CMSS1: variants seen among roughly 807,000 people sequenced by gnomAD.
CMSS1 encodes the protein cms1 ribosomal small subunit homolog.
In CMSS1, 33 loss-of-function variants were observed where a neutral mutation model predicts 43.5. That is an observed-to-expected ratio of 0.76 (90% CI 0.57 to 1.01). The LOEUF is 1.01. Ranked by LOEUF, CMSS1 falls within the 50% of genes least tolerant of loss-of-function variation. The pLI is 0.00. For missense variants in CMSS1, 313 were observed against 326.4 expected, an observed-to-expected ratio of 0.96 and a Z score of 0.32; for synonymous variants, 115 against 117.2, an observed-to-expected ratio of 0.98 and a Z score of 0.12.
At chr3:100,117,854 C>T (rs9884101) in intron 1 of CMSS1, among the ~76,000 whole-genome samples, 12,996 of 88,448 alleles carry the variant, frequency 0.15, 947 homozygotes, top group African/African-American at 0.18. Context: ...TATATATATA[C>T]ATATATATAT....
chr3:99,832,660 C>T (rs1422546125), intron 1 of CMSS1, among the ~76,000 whole-genome samples: 1 of 147,106 alleles, frequency 6.8e-6, no homozygotes, highest in Non-Finnish European at 1.5e-5. Context: ...CTGGCCAACA[C>T]GGTGAAACCC....
At chr3:100,036,861 C>T (rs574258120) in intron 1 of CMSS1, among the ~76,000 whole-genome samples, 4 of 152,230 alleles carry the variant, frequency 2.6e-5, no homozygotes, top group East Asian at 3.9e-4. Context: ...CTTGATATTA[C>T]GCAGTGAGAA....
intron 1 of CMSS1, among the ~76,000 whole-genome samples, chr3:100,046,985 T>G (rs990660354): frequency 1.4e-4 from 22 of 152,190 alleles, no homozygotes; most frequent in African/African-American, 5.3e-4. Flanking sequence ...GTTATTTAAG[T>G]AAATATAATA....
chr3:100,082,481 A>G (rs952643892), intron 1 of CMSS1, among the ~76,000 whole-genome samples: 2 of 152,172 alleles, frequency 1.3e-5, no homozygotes, highest in African/African-American at 2.4e-5. Flanking sequence ...ATTTTCTTCT[A>G]TCAGTGAGAA....
intron 1 of CMSS1, among the ~76,000 whole-genome samples, chr3:99,866,546 C>T (rs987505524): frequency 6.6e-6 from 1 of 152,018 alleles, no homozygotes; most frequent in Non-Finnish European, 1.5e-5. Context: ...TTTGGGTCCT[C>T]GATTTTAGCT....
rs187332823 is a variant in CMSS1 at position 99,983,327 on chromosome 3, A to G, written c.65-163646A>G. Reference sequence around the variant, plus strand: ...GGCAGGCGGATCACCTGAGGTCAGGAGTTCAAGACCAGCCTGGCCAACATG... The same window carrying G: ...GGCAGGCGGATCACCTGAGGTCAGGGGTTCAAGACCAGCCTGGCCAACATG... On this transcript the variant is annotated intron_variant, in intron 1 of 9. Coordinates refer to ENST00000421999, the MANE Select transcript of CMSS1 (RefSeq NM_032359.4). 1.2e-4 allele frequency among the ~76,000 whole-genome samples: 18 copies of G among 148,522 alleles called. No homozygotes were observed. The East Asian group carries it at 3.5e-3, about 29-fold the overall frequency.
Position 100,147,050 on chromosome 3 carries a change from A to G in CMSS1, c.142A>G (p.Lys48Glu), listed in dbSNP as rs542330811. Residue 48 changes from lysine (K) to glutamate (E), a missense_variant, in exon 2 of 10, where the codon AAA (lysine) becomes GAA (glutamate). Physicochemically the swap from Lys to Glu is moderately conservative, Grantham distance 56. Coordinates refer to ENST00000421999, the MANE Select transcript of CMSS1 (RefSeq NM_032359.4). ...ETVPVPVPSEKTKQPKECFLI... is the reference protein window; with the variant it reads ...ETVPVPVPSEETKQPKECFLI... ...AGTTCCAGTTCCTGTACCTTCAGAG[A>G]AAACCAAACAGGTGAGGGGTCACTG... 4 of 1,613,920 alleles carry G rather than the reference A, an allele frequency of 2.5e-6. No homozygotes were observed. In the African/African-American group the frequency reaches 4.0e-5, roughly 16 times the overall value.
chr3:100,069,051 A>T (rs1245419199), intron 1 of CMSS1, among the ~76,000 whole-genome samples: 3 of 152,198 alleles, frequency 2.0e-5, no homozygotes, highest in African/African-American at 4.8e-5. Flanking sequence ...GGCACTTCAT[A>T]ATAGATCAGT....
At position 99,879,058 on chromosome 3, in the gene CMSS1, T is replaced by C. The variant is rs139612114; in HGVS notation, c.64+61015T>C. 7.3e-3 allele frequency among the ~76,000 whole-genome samples: 1,106 copies of C among 152,368 alleles called. 19 individuals carry two copies. The highest frequency in any genetic ancestry group is 0.025 in the African/African-American group (1,019 of 41,590). On this transcript the variant is annotated intron_variant, in intron 1 of 9. Coordinates refer to ENST00000421999, the MANE Select transcript of CMSS1 (RefSeq NM_032359.4). The stretch of plus-strand genomic sequence containing the variant: ...TTCTGTCCAATTACTTTTGTGACTT[T>C]CTTTTCATTTTTTAATCAGGAATTT...
At chr3:100,131,286 T>G (rs1020839051) in intron 1 of CMSS1, among the ~76,000 whole-genome samples, 39 of 152,216 alleles carry the variant, frequency 2.6e-4, no homozygotes, top group African/African-American at 8.7e-4. Context: ...GCTTGTAATT[T>G]TAATCCCCGT....
At chr3:100,018,746 A>T (rs1013722994) in intron 1 of CMSS1, among the ~76,000 whole-genome samples, 1 of 152,134 alleles carries the variant, frequency 6.6e-6, no homozygotes, top group African/African-American at 2.4e-5. Flanking sequence ...AAAAAAAAAA[A>T]AAAAAATCAA....
At chr3:99,867,706 C>G (rs958414007) in intron 1 of CMSS1, among the ~76,000 whole-genome samples, 1 of 152,134 alleles carries the variant, frequency 6.6e-6, no homozygotes, top group Non-Finnish European at 1.5e-5. Context: ...AATAAATACT[C>G]CCAACAATCT....
intron 1 of CMSS1, among the ~76,000 whole-genome samples, chr3:100,007,993 T>A (rs1485958624): frequency 6.6e-6 from 1 of 152,182 alleles, no homozygotes; most frequent in Non-Finnish European, 1.5e-5. Context: ...GAATTATAGG[T>A]TATGGTTGTT....
chr3:100,139,529 ATGTGTGT>A (rs1430729920), intron 1 of CMSS1, among the ~76,000 whole-genome samples: 22 of 129,356 alleles, frequency 1.7e-4, no homozygotes, highest in African/African-American at 6.0e-4. Context: ...TAAAAAAAAA[ATGTGTGT>A]GTGTGTGTGT....
intron 1 of CMSS1, among the ~76,000 whole-genome samples, chr3:100,132,874 C>A (rs1222017696): frequency 2.7e-5 from 4 of 147,540 alleles, no homozygotes; most frequent in South Asian, 2.2e-4. Flanking sequence ...ATCAAATGAT[C>A]GCAAATTAGT....
intron 1 of CMSS1, among the ~76,000 whole-genome samples, chr3:99,948,021 G>T (rs1708060487): frequency 6.6e-6 from 1 of 152,202 alleles, no homozygotes; most frequent in Admixed American, 6.5e-5. Flanking sequence ...TGTAGACAAT[G>T]GTGGTGGTAA....
rs745736640 is a variant in CMSS1, at chr3:100,176,214, T to C, written c.668-113T>C. On this transcript the variant is annotated intron_variant, in intron 8 of 9. Coordinates refer to ENST00000421999, the MANE Select transcript of CMSS1 (RefSeq NM_032359.4). The stretch of plus-strand genomic sequence containing the variant: ...CACTTAATGTGCGGAGATTAGTTAC[T>C]GGGGGAGAGGACAACATATGAGACA... 4.5e-5 allele frequency: 30 copies of C among 666,620 alleles called. No homozygotes were observed. The Admixed American group carries it at 8.0e-4, about 18-fold the overall frequency. The allele number at this position is 666,620 out of a possible 1,614,324, so 41.3% of individuals were successfully genotyped here. A position where few individuals can be genotyped will look rare whatever the true frequency, so the allele number is the denominator to read the frequency against.
At chr3:100,150,638 A>C (rs866769261) in intron 2 of CMSS1, among the ~76,000 whole-genome samples, 1 of 152,224 alleles carries the variant, frequency 6.6e-6, no homozygotes, top group Non-Finnish European at 1.5e-5. Context: ...AATCCATGCA[A>C]CTACCTCATC....
intron 1 of CMSS1, among the ~76,000 whole-genome samples, chr3:100,014,896 T>A: frequency 2.8e-5 from 2 of 70,258 alleles, no homozygotes; most frequent in East Asian, 4.2e-4. Flanking sequence ...TCTTTCTTTC[T>A]TTTTTTTTTT....
Sources: gnomAD v4.1 joint callset for allele counts (sites outside exome capture counted in the v4.1 genomes callset) on GRCh38, gnomAD v4.1.1 for gene constraint, MANE v1.5 for transcripts, NCBI Gene and HGNC (gene_info 2026-07-23, HGNC 2026-07-21) for gene names.